The following DNAJC6 variants were observed in gnomAD, a reference collection of about 807,000 sequenced individuals.
DNAJC6 encodes auxilin.
Under a neutral mutation model 110.0 loss-of-function variants are expected in DNAJC6, and 34 were observed. That is an observed-to-expected ratio of 0.31 (90% CI 0.24 to 0.41). The LOEUF is 0.41. DNAJC6 is among the 10% of genes least tolerant of loss of function. The pLI is 1.00. For missense variants in DNAJC6, 1,031 were observed against 1,207.8 expected (o/e 0.85, Z 2.17); for synonymous variants, 406 against 437.2 (o/e 0.93, Z 0.89).
exon 1 of DNAJC6, chr1:65,264,755 G>A: frequency 2.1e-6 from 3 of 1,443,918 alleles, no homozygotes; most frequent in East Asian, 2.6e-5. Flanking sequence ...TTATAACCCC[G>A]CACACCGACT....
At chr1:65,280,681 T>C (rs932964375) in intron 1 of DNAJC6, among the ~76,000 whole-genome samples, 4 of 152,194 alleles carry the variant, frequency 2.6e-5, no homozygotes, top group Non-Finnish European at 5.9e-5. Context: ...AAGAAATCCA[T>C]TGGCCTGGAA....
At chr1:65,354,993 C>G (rs1478050300) in intron 1 of DNAJC6, among the ~76,000 whole-genome samples, 1 of 152,018 alleles carries the variant, frequency 6.6e-6, no homozygotes, top group Non-Finnish European at 1.5e-5. Context: ...ATTGATTATT[C>G]TGGTTGGGCG....
chr1:65,351,227 C>G (rs1470804829), intron 1 of DNAJC6, among the ~76,000 whole-genome samples: 3 of 152,136 alleles, frequency 2.0e-5, no homozygotes, highest in African/African-American at 7.2e-5. Flanking sequence ...TGTGTGGTTT[C>G]TTTCTTTCAA....
intron 1 of DNAJC6, among the ~76,000 whole-genome samples, chr1:65,327,162 T>C (rs1645248838): frequency 6.6e-6 from 1 of 152,004 alleles, no homozygotes; most frequent in Non-Finnish European, 1.5e-5. Context: ...GAGAGGGAGA[T>C]GGGGGAGGAC....
At chr1:65,381,195 G>A (rs1645818710) in intron 5 of DNAJC6, among the ~76,000 whole-genome samples, 1 of 151,812 alleles carries the variant, frequency 6.6e-6, no homozygotes, top group African/African-American at 2.4e-5. Context: ...GGGATTACAG[G>A]CGTGACCCCA....
rs1645905174 is a variant in DNAJC6, at chr1:65,389,555, C to T, written c.1396C>T (p.Pro466Ser). Reference protein sequence around the residue: ...QDTLALGGQAPIDIPPDNPRH... With the variant: ...QDTLALGGQASIDIPPDNPRH... ...GTCTTTTTGTCTTGCAGGACAGGCTCCAATAGATATCCCTCCAGACAACCC... is the reference window on the plus strand; with the variant it reads ...GTCTTTTTGTCTTGCAGGACAGGCTTCAATAGATATCCCTCCAGACAACCC... The change falls in exon 11 of 19, where the codon CCA (proline) becomes TCA (serine). Residue 466 changes from proline (P) to serine (S), a missense_variant. Transcript: ENST00000371069. 1 of 1,614,032 alleles carries T rather than the reference C, an allele frequency of 6.2e-7. No individual in the cohort carries two copies. The highest frequency in any genetic ancestry group is 1.3e-5 in the African/African-American group (1 of 74,900).
Position 65,302,121 on chromosome 1 carries a change from TATAAAAA to T in DNAJC6, c.-131+37193_-131+37199del, listed in dbSNP as rs1374021533. ...ATATAATATATAATATATATATATA[TATAAAAA>T]ATATATATAATACGTATTATATATA... On this transcript the variant is annotated intron_variant, in intron 1 of 19. Coordinates refer to the DNAJC6 transcript ENST00000263441. 6.0e-4 allele frequency among the ~76,000 whole-genome samples: 9 copies of T among 15,002 alleles called. No homozygotes were observed. The African/African-American group carries it at 0.016, about 26-fold the overall frequency. 9.8% of individuals were successfully genotyped at this position (15,002 alleles called of 152,430 possible).
At chr1:65,305,695 T>A (rs561587368), upstream of DNAJC6, among the ~76,000 whole-genome samples, 8 of 152,234 alleles carry the variant, frequency 5.3e-5, no homozygotes, top group African/African-American at 1.9e-4. Flanking sequence ...AGGAAATACA[T>A]ACACGTGAAT....
chr1:65,379,600 A>G (rs1380920976), intron 5 of DNAJC6, 76 bp downstream of exon 5: 1 of 1,546,686 alleles, frequency 6.5e-7, no homozygotes, highest in African/African-American at 1.4e-5. Context: ...AATGGTAGAC[A>G]GGTAACATTT....
chr1:65,398,766 G>C, intron 13 of DNAJC6, 47 bp from the exon 14 acceptor site: 1 of 1,601,566 alleles, frequency 6.2e-7, no homozygotes, highest in East Asian at 2.2e-5. Flanking sequence ...AGAAAAGTGG[G>C]TTCTGAGCTC....
chr1:65,398,420 C>A (rs1645999476), intron 13 of DNAJC6, among the ~76,000 whole-genome samples: 1 of 152,196 alleles, frequency 6.6e-6, no homozygotes, highest in Non-Finnish European at 1.5e-5. Context: ...TCTTATTGCA[C>A]ACTGACTCTG....
chr1:65,324,247 A>G (rs1050172468), intron 1 of DNAJC6, among the ~76,000 whole-genome samples: 1 of 151,594 alleles, frequency 6.6e-6, no homozygotes, highest in South Asian at 2.1e-4. Context: ...CACGATCTCA[A>G]CTCACTGCAG....
chr1:65,358,208 TAATGAATGTAACTTGCAG>T (rs142110644), intron 1 of DNAJC6, among the ~76,000 whole-genome samples: 1,445 of 142,140 alleles, frequency 0.01, 14 homozygotes, highest in Middle Eastern at 0.014. Context: ...AAACAAAACC[TAATGAATGTAACTTGCAG>T]AAAATTTAGA....
intron 1 of DNAJC6, among the ~76,000 whole-genome samples, chr1:65,355,806 G>A (rs1291280499): frequency 1.3e-5 from 2 of 151,258 alleles, no homozygotes; most frequent in Non-Finnish European, 2.9e-5. Context: ...ACACCAATAG[G>A]AGATTCTTAC....
At chr1:65,290,486 T>C (rs1352468434) in intron 1 of DNAJC6, among the ~76,000 whole-genome samples, 3 of 152,212 alleles carry the variant, frequency 2.0e-5, no homozygotes, top group Non-Finnish European at 4.4e-5. Flanking sequence ...TTAGAGTATA[T>C]TGATTTTTAA....
intron 1 of DNAJC6, among the ~76,000 whole-genome samples, chr1:65,302,105 A>AT (rs1644987126): frequency 8.5e-5 from 10 of 117,986 alleles, no homozygotes; most frequent in Admixed American, 7.9e-4. Context: ...TATATAATAT[A>AT]TAATATATAT....
At chr1:65,280,027 T>G (rs1366286614) in intron 1 of DNAJC6, 1 of 153,436 alleles carries the variant, frequency 6.5e-6, no homozygotes, top group Non-Finnish European at 1.4e-5. Flanking sequence ...GTGAAAATAG[T>G]AATACCTAAT....
intron 1 of DNAJC6, among the ~76,000 whole-genome samples, chr1:65,299,867 T>C (rs934003041): frequency 6.6e-6 from 1 of 151,798 alleles, no homozygotes; most frequent in African/African-American, 2.4e-5. Flanking sequence ...CTGGCCAACA[T>C]GCTGAAACCC....
chr1:65,364,781 A>G lies in DNAJC6; in HGVS notation c.340A>G (p.Thr114Ala), dbSNP rs1244849551. 4.3e-6 allele frequency: 7 copies of G among 1,612,252 alleles called. No homozygotes were observed. The highest frequency in any genetic ancestry group is 1.7e-5 in the Admixed American group (1 of 59,842). ...DTSSRVIQSV[T>A]SYTKGDLDFT... ...ATCTTCTAGAGTGATACAATCTGTG[A>G]CCAGGTACGCACATTCTTCCCAGTT... is the stretch of plus-strand genomic sequence containing the variant. The change falls in exon 2 of 19, where the codon ACC (threonine) becomes GCC (alanine). Residue 114 changes from threonine (T) to alanine (A), a missense_variant. Coordinates refer to ENST00000371069, the MANE Select transcript of DNAJC6 (RefSeq NM_001256864.2).
Sources: allele counts gnomAD v4.1 joint callset (sites outside exome capture counted in the v4.1 genomes callset), GRCh38; gene constraint gnomAD v4.1.1; transcripts MANE v1.5; gene names NCBI Gene and HGNC (gene_info 2026-07-23, HGNC 2026-07-21).